RBM33: variants seen among roughly 807,000 people sequenced by gnomAD.
The protein encoded by RBM33 is RNA binding motif protein 33, also known as RNA-binding protein 33.
RBM33 carries 28 observed loss-of-function variants against 132.6 expected under a neutral mutation model. The observed-to-expected ratio is 0.21, with a 90% CI of 0.16 to 0.29. RBM33 has a LOEUF of 0.29. Ranked by LOEUF, RBM33 falls within the 10% of genes least tolerant of loss-of-function variation. RBM33 has a pLI of 1.00. For synonymous variants in RBM33, 634 were observed against 593.0 expected (o/e 1.07, Z -1.01); for missense variants, 1,291 against 1,518.5 (o/e 0.85, Z 2.49).
At chr7:155,721,353 C>T (rs1441626511) in intron 9 of RBM33, among the ~76,000 whole-genome samples, 2 of 151,982 alleles carry the variant, frequency 1.3e-5, no homozygotes, top group Admixed American at 6.6e-5. Flanking sequence ...TATAGAGTGA[C>T]CTTACTGCTT....
intron 1 of RBM33, among the ~76,000 whole-genome samples, chr7:155,657,359 C>T (rs140786270): frequency 1.4e-3 from 212 of 152,150 alleles, no homozygotes; most frequent in African/African-American, 5.0e-3. Flanking sequence ...TTAGTGGGAA[C>T]TTTAAAAAGC....
intron 9 of RBM33, among the ~76,000 whole-genome samples, chr7:155,731,219 A>G (rs919784276): frequency 2.6e-5 from 4 of 152,132 alleles, no homozygotes; most frequent in African/African-American, 9.7e-5. Flanking sequence ...TAGCTGCCTG[A>G]TGGAAGGTAG....
chr7:155,654,836 CTT>C (rs1355908445), intron 1 of RBM33, among the ~76,000 whole-genome samples: 1 of 152,184 alleles, frequency 6.6e-6, no homozygotes, highest in South Asian at 2.1e-4. Flanking sequence ...ATATTGTCCT[CTT>C]TTAATAATTT....
At chr7:155,749,113 C>T (rs1009155762) in intron 14 of RBM33, among the ~76,000 whole-genome samples, 5 of 152,082 alleles carry the variant, frequency 3.3e-5, no homozygotes, top group African/African-American at 1.2e-4. Context: ...CCCGAACAAT[C>T]ATTTCATTTT....
chr7:155,763,065 G>A (rs1802089472), intron 14 of RBM33, among the ~76,000 whole-genome samples: 1 of 152,196 alleles, frequency 6.6e-6, no homozygotes, highest in Non-Finnish European at 1.5e-5. Flanking sequence ...CAAGGTGTAC[G>A]TGCCTCCTGA....
chr7:155,703,135 C>A (rs760223542), intron 6 of RBM33, among the ~76,000 whole-genome samples: 8 of 152,234 alleles, frequency 5.3e-5, no homozygotes, highest in African/African-American at 9.6e-5. Flanking sequence ...TGATGGCCAG[C>A]TTGCATGTGT....
intron 2 of RBM33, among the ~76,000 whole-genome samples, chr7:155,671,195 G>T (rs1031353736): frequency 1.3e-5 from 2 of 152,202 alleles, no homozygotes; most frequent in Non-Finnish European, 2.9e-5. Flanking sequence ...CCTCTGGAGG[G>T]TAGTTGGAAC....
At chr7:155,686,490 T>G (rs1245970354) in intron 5 of RBM33, among the ~76,000 whole-genome samples, 1 of 151,936 alleles carries the variant, frequency 6.6e-6, no homozygotes, top group Admixed American at 6.6e-5. Flanking sequence ...TTTTTTTTTT[T>G]AAATTATATT....
chr7:155,773,965 ATT>A (rs1417476526), intron 16 of RBM33, among the ~76,000 whole-genome samples: 6 of 152,202 alleles, frequency 3.9e-5, no homozygotes, highest in African/African-American at 1.4e-4. Context: ...TGGCGACTTC[ATT>A]TCAGATACCA....
chr7:155,651,645 A>G (rs920155757), intron 1 of RBM33, among the ~76,000 whole-genome samples: 3 of 151,364 alleles, frequency 2.0e-5, no homozygotes, highest in Non-Finnish European at 4.4e-5. Flanking sequence ...CAGTTCCTAT[A>G]GATTTTAAGT....
chr7:155,735,719 G>C (rs112118584), intron 9 of RBM33, among the ~76,000 whole-genome samples: 1,002 of 77,286 alleles, frequency 0.013, 18 homozygotes, highest in African/African-American at 0.044. Flanking sequence ...CTCTCTCTCT[G>C]TCTCTCTCTC....
At chr7:155,677,186 A>G (rs79790597) in intron 3 of RBM33, among the ~76,000 whole-genome samples, 2,269 of 150,866 alleles carry the variant, frequency 0.015, 55 homozygotes, top group African/African-American at 0.052. Flanking sequence ...GACAGATTAT[A>G]TGGTCACCTA....
chr7:155,756,612 G>A (rs1378426780), intron 14 of RBM33, among the ~76,000 whole-genome samples: 1 of 152,084 alleles, frequency 6.6e-6, no homozygotes, highest in Non-Finnish European at 1.5e-5. Context: ...CACTCTGCTT[G>A]CTATTTGTTC....
Position 155,673,947 on chromosome 7 carries a change from T to TTTTG in RBM33, c.171+1035_171+1036insGTTT, listed in dbSNP as rs1563138366. On this transcript the variant is annotated intron_variant, in intron 3 of 17. Coordinates refer to ENST00000401878, the MANE Select transcript of RBM33 (RefSeq NM_053043.3). ...CAAGATAGTTTAGGCTTAGTTTTTT[T>TTTTG]TTTTTTTTTTTTTTTTTTTTTTTTT... Among the ~76,000 whole-genome samples, 102 of 97,784 alleles carry TTTTG rather than the reference T, an allele frequency of 1.0e-3. 11 individuals carry two copies. The East Asian group carries it at 0.026, about 25-fold the overall frequency. The allele number at this position is 97,784 out of a possible 152,430, so 64.2% of individuals were successfully genotyped here.
intron 7 of RBM33, 146 bp from the exon 8 acceptor site, chr7:155,711,057 T>C: frequency 8.3e-7 from 1 of 1,208,062 alleles, no homozygotes; most frequent in Non-Finnish European, 1.1e-6. Flanking sequence ...AAGTTGTTAC[T>C]ACAGACTTCT....
At chr7:155,750,462 C>T (rs1227080561) in intron 14 of RBM33, among the ~76,000 whole-genome samples, 3 of 152,146 alleles carry the variant, frequency 2.0e-5, no homozygotes, top group East Asian at 1.9e-4. Context: ...TTGCCTTAGG[C>T]GGTCAGTTTC....
At chr7:155,678,894 A>G (rs1799257546) in intron 4 of RBM33, among the ~76,000 whole-genome samples, 1 of 152,228 alleles carries the variant, frequency 6.6e-6, no homozygotes, top group Non-Finnish European at 1.5e-5. Context: ...GTTCTTGGCC[A>G]GGCGTTGTAG....
intron 9 of RBM33, among the ~76,000 whole-genome samples, chr7:155,720,482 A>G (rs1333695648): frequency 1.3e-5 from 2 of 152,246 alleles, no homozygotes; most frequent in Non-Finnish European, 2.9e-5. Context: ...CTTGTAAGCC[A>G]GATCTTCGTT....
In RBM33 at chr7:155,766,528, C is replaced by A; in HGVS notation, c.3248C>A (p.Pro1083Gln). The A allele has an allele frequency of 6.2e-7, 1 of 1,613,780 alleles. No individual in the cohort carries two copies. Residue 1083 changes from proline to glutamine, a missense_variant, in exon 16 of 18, where the codon CCA becomes CAA. Pro to Gln is a moderately conservative substitution (Grantham distance 76, BLOSUM62 -1). Transcript: ENST00000401878. ...AGPMGRGRLM[P>Q]NKQNLRVVEC... Reference sequence around the variant, plus strand: ...CCCATGGGCCGGGGGCGCCTGATGCCAAACAAGCAGAACCTGCGGGTGGTG... The same window carrying A: ...CCCATGGGCCGGGGGCGCCTGATGCAAAACAAGCAGAACCTGCGGGTGGTG...
Sources: allele counts gnomAD v4.1 joint callset (sites outside exome capture counted in the v4.1 genomes callset), GRCh38; gene constraint gnomAD v4.1.1; transcripts MANE v1.5; gene names NCBI Gene and HGNC (gene_info 2026-07-23, HGNC 2026-07-21).